CADPS2: variants seen among roughly 807,000 people sequenced by gnomAD.
The protein encoded by CADPS2 is calcium-dependent secretion activator 2.
Under a neutral mutation model 172.5 loss-of-function variants are expected in CADPS2, and 93 were observed. The observed-to-expected ratio is 0.54, with a 90% CI of 0.46 to 0.64. CADPS2 has a LOEUF of 0.64. Among genes scored for constraint, CADPS2 ranks in the 30% least tolerant of loss-of-function variants. The pLI is 0.00. For synonymous variants in CADPS2, 546 were observed against 555.2 expected (o/e 0.98, Z 0.23); for missense variants, 1,420 against 1,565.9 (o/e 0.91, Z 1.57).
intron 2 of CADPS2, among the ~76,000 whole-genome samples, chr7:122,672,809 G>A (rs1307668313): frequency 1.3e-5 from 2 of 152,156 alleles, no homozygotes; most frequent in Non-Finnish European, 2.9e-5. Context: ...GTAACCTCAC[G>A]TCGGAAAACT....
At position 122,513,375 on chromosome 7, in the gene CADPS2, A is replaced by G. The variant is rs1194499298; in HGVS notation, c.1476-60T>C. On this transcript the variant is annotated intron_variant, in intron 8 of 29. Coordinates refer to ENST00000449022, the MANE Select transcript of CADPS2 (RefSeq NM_017954.11). ...GATGAATAATGTTGTGCTTCCATGT[A>G]ATCACATTTCTTCCATAGGTATTTA... 2.3e-6 allele frequency: 3 copies of G among 1,306,864 alleles called. No individual in the cohort carries two copies. In the Admixed American group the frequency reaches 6.3e-5, roughly 27 times the overall value. The allele number at this position is 1,306,864 out of a possible 1,614,324, so 81.0% of individuals were successfully genotyped here.
At chr7:122,718,332 G>C (rs1200217014) in intron 2 of CADPS2, among the ~76,000 whole-genome samples, 1 of 151,996 alleles carries the variant, frequency 6.6e-6, no homozygotes, top group East Asian at 1.9e-4. Flanking sequence ...GAAGGGGGAA[G>C]AGGATGTGGG....
intron 1 of CADPS2, among the ~76,000 whole-genome samples, chr7:122,782,342 T>C (rs1792946146): frequency 2.0e-5 from 3 of 150,162 alleles, no homozygotes. Context: ...AACAGTATAG[T>C]TCAGTATCCT....
chr7:122,629,042 A>G (rs1013198345), intron 4 of CADPS2, among the ~76,000 whole-genome samples: 4 of 152,042 alleles, frequency 2.6e-5, no homozygotes, highest in African/African-American at 9.7e-5. Flanking sequence ...TTCACATATT[A>G]AGGATGAGTA....
At chr7:122,742,976 G>A (rs2092565283) in intron 1 of CADPS2, among the ~76,000 whole-genome samples, 1 of 152,012 alleles carries the variant, frequency 6.6e-6, no homozygotes, top group South Asian at 2.1e-4. Context: ...ATTATTTGGG[G>A]CAGTTGATTT....
rs774972662 is a variant in CADPS2, at chr7:122,360,834, GA to G, written c.3472-15del. On this transcript the variant is annotated splice_polypyrimidine_tract_variant and intron_variant, in intron 26 of 29. Transcript: ENST00000449022. ...AGCTGCTTTCACCTTAAGTGTGAAA[GA>G]AAGAGATAATCATGAGAATTATTTT... is the stretch of plus-strand genomic sequence containing the variant. The G allele has an allele frequency of 3.1e-5, 49 of 1,574,434 alleles. 1 individual carries two copies. In the Admixed American group the frequency reaches 9.0e-4, roughly 29 times the overall value.
chr7:122,430,522 T>A (rs184339135), intron 17 of CADPS2, among the ~76,000 whole-genome samples: 2 of 152,320 alleles, frequency 1.3e-5, no homozygotes, highest in Non-Finnish European at 2.9e-5. Context: ...GTGTTATCTC[T>A]GCATGCCAGA....
intron 1 of CADPS2, among the ~76,000 whole-genome samples, chr7:122,858,105 T>C (rs1167236559): frequency 6.6e-6 from 1 of 152,146 alleles, no homozygotes; most frequent in Non-Finnish European, 1.5e-5. Context: ...CCCGCCCACA[T>C]CCTTCTGATG....
At chr7:122,434,736 A>G (rs1038667697) in intron 17 of CADPS2, among the ~76,000 whole-genome samples, 8 of 152,256 alleles carry the variant, frequency 5.3e-5, no homozygotes, top group Non-Finnish European at 8.8e-5. Flanking sequence ...TCAGCGACTC[A>G]GCGAACTCTT....
chr7:122,556,444 TTTA>T (rs1179012212), intron 7 of CADPS2, among the ~76,000 whole-genome samples: 2 of 152,218 alleles, frequency 1.3e-5, no homozygotes, highest in Non-Finnish European at 2.9e-5. Flanking sequence ...ACTTACAGAC[TTTA>T]TTGTTTTTTA....
chr7:122,323,320 T>G (rs777282509), intron 29 of CADPS2, among the ~76,000 whole-genome samples: 9 of 152,048 alleles, frequency 5.9e-5, no homozygotes, highest in Non-Finnish European at 8.8e-5. Flanking sequence ...TTCATGAAAA[T>G]TAATTTCATA....
chr7:122,707,901 A>C (rs1375806224), intron 2 of CADPS2, among the ~76,000 whole-genome samples: 1 of 151,756 alleles, frequency 6.6e-6, no homozygotes, highest in Non-Finnish European at 1.5e-5. Context: ...AAACTAGTTT[A>C]TATAAAGGCA....
At position 122,575,423 on chromosome 7, in the gene CADPS2, T is replaced by C. The variant is rs1587484830; in HGVS notation, c.1335+5756A>G. On this transcript the variant is annotated intron_variant, in intron 7 of 29. Transcript: ENST00000449022. The stretch of plus-strand genomic sequence containing the variant: ...TAAGGAAATGTTCAATTCTTTTTCT[T>C]TTCTTTTCTCTTCTTTTCCTTTTTT... Among the ~76,000 whole-genome samples, 5 of 151,982 alleles carry C rather than the reference T, an allele frequency of 3.3e-5. 1 individual carries two copies. Among genetic ancestry groups the C allele is most frequent in the Admixed American group, 3.3e-4 (5 of 15,254 alleles).
intron 28 of CADPS2, among the ~76,000 whole-genome samples, chr7:122,339,872 T>A (rs1268186451): frequency 1.3e-5 from 2 of 151,984 alleles, no homozygotes; most frequent in African/African-American, 2.4e-5. Context: ...GTGACAAGAG[T>A]GAAACTCCAT....
chr7:122,516,398 T>A (rs563558371), intron 8 of CADPS2, among the ~76,000 whole-genome samples: 1 of 151,980 alleles, frequency 6.6e-6, no homozygotes, highest in Non-Finnish European at 1.5e-5. Flanking sequence ...ATTAGCTGGA[T>A]GCAGTGGTAC....
At chr7:122,451,192 G>A (rs569194932) in intron 15 of CADPS2, among the ~76,000 whole-genome samples, 182 bp downstream of exon 15, 1 of 152,228 alleles carries the variant, frequency 6.6e-6, no homozygotes, top group African/African-American at 2.4e-5. Context: ...GAATACAGGA[G>A]ACTGAATGAT....
intron 1 of CADPS2, among the ~76,000 whole-genome samples, chr7:122,761,833 G>GAA (rs34908983): frequency 4.1e-4 from 54 of 133,120 alleles, no homozygotes; most frequent in South Asian, 7.2e-4. Flanking sequence ...CATCTCTACT[G>GAA]AAAAAAAAAA....
chr7:122,552,239 A>G (rs1481394123), intron 8 of CADPS2, among the ~76,000 whole-genome samples: 1 of 152,186 alleles, frequency 6.6e-6, no homozygotes, highest in African/African-American at 2.4e-5. Context: ...ATCTTAGCAT[A>G]ACATCATCAC....
chr7:122,324,221 G>T (rs903891502), intron 29 of CADPS2, among the ~76,000 whole-genome samples: 19 of 151,934 alleles, frequency 1.3e-4, no homozygotes, highest in African/African-American at 4.6e-4. Context: ...TTTTAGGTCT[G>T]GTTCTACTTT....
Sources: allele counts gnomAD v4.1 joint callset (sites outside exome capture counted in the v4.1 genomes callset), GRCh38; gene constraint gnomAD v4.1.1; transcripts MANE v1.5; gene names NCBI Gene and HGNC (gene_info 2026-07-23, HGNC 2026-07-21).